Variants in MBD5 observed in about 807,000 individuals in gnomAD.
The protein encoded by MBD5 is methyl-CpG-binding domain protein 5.
A neutral mutation model predicts 117.3 loss-of-function variants in MBD5; 13 were observed. The observed-to-expected ratio is 0.11, with a 90% CI of 0.07 to 0.18. The LOEUF is 0.18. MBD5 is among the 10% of genes least tolerant of loss of function. The pLI, the probability that MBD5 is intolerant of heterozygous loss-of-function variation, is 1.00. For missense variants in MBD5, 1,879 were observed against 2,093.8 expected (o/e 0.90, Z 2.00); for synonymous variants, 727 against 766.4 (o/e 0.95, Z 0.85).
At position 148,514,512 on chromosome 2, in the gene MBD5, C is replaced by T. The variant is rs1682300655; in HGVS notation, c.*1571C>T. 6.6e-6 allele frequency: 1 copy of T among 152,192 alleles called. No individual in the cohort carries two copies. The highest frequency in any genetic ancestry group is 2.1e-4 in the South Asian group (1 of 4,826). The allele number at this position is 152,192 out of a possible 1,614,324, so 9.4% of individuals were successfully genotyped here. A position where few individuals can be genotyped will look rare whatever the true frequency, so the allele number is the denominator to read the frequency against. Reference sequence around the variant, plus strand: ...GGAACCACCAGTCCCTGCCCCAAACCCTTAAACCCCTAGAGAGCACTGCCT... The same window carrying T: ...GGAACCACCAGTCCCTGCCCCAAACTCTTAAACCCCTAGAGAGCACTGCCT... On this transcript the variant is annotated 3_prime_UTR_variant, in exon 14 of 14. Transcript: ENST00000642680.
At chr2:148,238,318 T>G (rs902540543) in intron 3 of MBD5, among the ~76,000 whole-genome samples, 1 of 152,224 alleles carries the variant, frequency 6.6e-6, no homozygotes, top group East Asian at 1.9e-4. Context: ...ATAGAAACTA[T>G]GTACATTCCA....
At chr2:148,114,054 A>T (rs979147904) in intron 1 of MBD5, among the ~76,000 whole-genome samples, 2 of 152,152 alleles carry the variant, frequency 1.3e-5, no homozygotes, top group Non-Finnish European at 2.9e-5. Flanking sequence ...TTTTTCCATG[A>T]TTATTTAAAC....
At chr2:148,416,141 T>C (rs571972701) in intron 4 of MBD5, among the ~76,000 whole-genome samples, 2 of 152,250 alleles carry the variant, frequency 1.3e-5, no homozygotes, top group East Asian at 3.9e-4. Context: ...TTTCTTTGCT[T>C]TTATCTTCTT....
chr2:148,325,401 G>A (rs1411843122), intron 3 of MBD5, among the ~76,000 whole-genome samples: 1 of 152,200 alleles, frequency 6.6e-6, no homozygotes, highest in Non-Finnish European at 1.5e-5. Flanking sequence ...AATAGTTTCA[G>A]AAGGAATGGT....
At chr2:148,216,051 AT>A (rs2106038136) in intron 2 of MBD5, among the ~76,000 whole-genome samples, 1 of 152,294 alleles carries the variant, frequency 6.6e-6, no homozygotes, top group East Asian at 1.9e-4. Context: ...AGAAAAACAA[AT>A]TTTGGCAAGC....
chr2:148,246,273 G>A (rs540361333), intron 3 of MBD5, among the ~76,000 whole-genome samples: 1 of 152,190 alleles, frequency 6.6e-6, no homozygotes, highest in East Asian at 1.9e-4. Context: ...TGTATATATC[G>A]GAATCCAGCA....
chr2:148,274,465 T>C (rs1701055542), intron 3 of MBD5, among the ~76,000 whole-genome samples: 1 of 152,020 alleles, frequency 6.6e-6, no homozygotes, highest in African/African-American at 2.4e-5. Flanking sequence ...ATGTTGCTTA[T>C]CATTTTACAC....
chr2:148,255,695 G>A (rs1050278702), intron 3 of MBD5, among the ~76,000 whole-genome samples: 5 of 152,168 alleles, frequency 3.3e-5, no homozygotes, highest in African/African-American at 4.8e-5. Context: ...CTGCCTTTCC[G>A]TGGCCATTCA....
At chr2:148,146,321 T>C (rs1697462463) in intron 1 of MBD5, among the ~76,000 whole-genome samples, 1 of 152,112 alleles carries the variant, frequency 6.6e-6, no homozygotes, top group Non-Finnish European at 1.5e-5. Context: ...GTACATATTA[T>C]GATCATGGCT....
intron 12 of MBD5, among the ~76,000 whole-genome samples, chr2:148,507,621 C>T (rs1013188046): frequency 2.6e-5 from 4 of 151,908 alleles, no homozygotes; most frequent in African/African-American, 7.3e-5. Flanking sequence ...TAGCCGGGCG[C>T]GGTGGCGGGT....
At chr2:148,443,536 A>G (rs941853830) in intron 4 of MBD5, among the ~76,000 whole-genome samples, 2 of 151,436 alleles carry the variant, frequency 1.3e-5, no homozygotes, top group African/African-American at 4.9e-5. Flanking sequence ...GTATATATAC[A>G]CAATGGAGTA....
At chr2:148,290,955 C>T (rs1448739728) in intron 3 of MBD5, among the ~76,000 whole-genome samples, 2 of 152,174 alleles carry the variant, frequency 1.3e-5, no homozygotes, top group South Asian at 2.1e-4. Context: ...AAAACAGCTG[C>T]ACCATTTACA....
intron 3 of MBD5, among the ~76,000 whole-genome samples, chr2:148,299,652 GTGTTT>G (rs947116792): frequency 6.6e-6 from 1 of 152,082 alleles, no homozygotes; most frequent in African/African-American, 2.4e-5. Context: ...ATTTCCTGGG[GTGTTT>G]TGTTTTGTTT....
intron 4 of MBD5, among the ~76,000 whole-genome samples, chr2:148,402,657 A>G (rs183047425): frequency 6.6e-6 from 1 of 152,322 alleles, no homozygotes; most frequent in East Asian, 1.9e-4. Flanking sequence ...TCTTTCACTC[A>G]GGATAATTAT....
intron 3 of MBD5, among the ~76,000 whole-genome samples, chr2:148,270,035 GGAT>G (rs1700947178): frequency 6.6e-6 from 1 of 151,726 alleles, no homozygotes; most frequent in Non-Finnish European, 1.5e-5. Flanking sequence ...TCTTGTTCAT[GGAT>G]GCAGTGTATT....
intron 3 of MBD5, among the ~76,000 whole-genome samples, chr2:148,256,368 C>T (rs1700590550): frequency 6.6e-6 from 1 of 152,230 alleles, no homozygotes; most frequent in Non-Finnish European, 1.5e-5. Context: ...CTCATCATTG[C>T]CGGGGGTGGC....
rs1305989220 is a variant in MBD5 at position 148,490,063 on chromosome 2, G to A, written c.4431G>A (p.Gln1477=). 3.7e-6 allele frequency: 6 copies of A among 1,613,808 alleles called. No individual in the cohort carries two copies. The African/African-American group carries it at 6.7e-5, about 18-fold the overall frequency. ...VSTLPFLPGE[Q]HPILLPPRNC... is the part of the protein sequence containing the mutation. Reference sequence around the variant, plus strand: ...CACTGCCATTTCTGCCTGGGGAACAGCACCCAATACTGTTACCACCAAGAA... The same window carrying A: ...CACTGCCATTTCTGCCTGGGGAACAACACCCAATACTGTTACCACCAAGAA... Residue 1477 remains glutamine (Q), a synonymous_variant, in exon 11 of 14, where the codon CAG becomes CAA. Coordinates refer to ENST00000642680, the MANE Select transcript of MBD5 (RefSeq NM_001378120.1).
At chr2:148,305,550 C>T (rs184850355) in intron 3 of MBD5, among the ~76,000 whole-genome samples, 1 of 152,202 alleles carries the variant, frequency 6.6e-6, no homozygotes, top group Non-Finnish European at 1.5e-5. Context: ...AGCAACCCCA[C>T]ACATTTCCTG....
chr2:148,388,904 G>T (rs927585982), intron 4 of MBD5, among the ~76,000 whole-genome samples: 5 of 151,730 alleles, frequency 3.3e-5, no homozygotes, highest in Non-Finnish European at 4.4e-5. Flanking sequence ...GTAATGCTGG[G>T]GTTTGGCCTT....
Sources: gnomAD v4.1 joint callset for allele counts (sites outside exome capture counted in the v4.1 genomes callset) on GRCh38, gnomAD v4.1.1 for gene constraint, MANE v1.5 for transcripts, NCBI Gene and HGNC (gene_info 2026-07-23, HGNC 2026-07-21) for gene names.